Variants in GNB1L observed in about 807,000 individuals in gnomAD.
GNB1L encodes the protein G protein subunit beta 1 like.
Under a neutral mutation model 29.1 loss-of-function variants are expected in GNB1L, and 20 were observed. The ratio of observed to expected loss-of-function variants is 0.69; its 90% CI spans 0.48 to 1.00. The LOEUF (loss-of-function observed/expected upper bound fraction) is 1.00. Among genes scored for constraint, GNB1L ranks in the 50% least tolerant of loss-of-function variants. The probability of loss-of-function intolerance (pLI) is 0.00; values close to 1 mark genes in which losing one functional copy is unlikely to be tolerated. For synonymous variants in GNB1L, 193 were observed against 206.5 expected (o/e 0.93, Z 0.56); for missense variants, 421 against 464.9 (o/e 0.91, Z 0.87).
chr22:19,853,522 A>C (rs1938160067), intron 2 of GNB1L, among the ~76,000 whole-genome samples: 1 of 151,920 alleles, frequency 6.6e-6, no homozygotes. Context: ...CCCACACACA[A>C]ACGCCACCGG....
At chr22:19,839,655 G>T (rs1465045401) in intron 2 of GNB1L, among the ~76,000 whole-genome samples, 2 of 152,050 alleles carry the variant, frequency 1.3e-5, no homozygotes, top group African/African-American at 2.4e-5. Context: ...GAGGCAAGCG[G>T]ATCACCTGAG....
At chr22:19,846,645 A>C in intron 2 of GNB1L, 1 of 799,190 alleles carries the variant, frequency 1.3e-6, no homozygotes, top group Non-Finnish European at 1.5e-6. Context: ...ATTTGAAGAC[A>C]GGGTCTTTAA....
intron 2 of GNB1L, among the ~76,000 whole-genome samples, chr22:19,837,960 G>T (rs1601347467): frequency 6.6e-6 from 1 of 152,354 alleles, no homozygotes; most frequent in Non-Finnish European, 1.5e-5. Context: ...CTGGAGAAGA[G>T]AGGTGCAGGG....
At chr22:19,819,215 C>T (rs1243222462) in intron 4 of GNB1L, among the ~76,000 whole-genome samples, 1 of 152,238 alleles carries the variant, frequency 6.6e-6, no homozygotes, top group Non-Finnish European at 1.5e-5. Flanking sequence ...ACTGCCAGGC[C>T]CTCTTATTCC....
intron 2 of GNB1L, among the ~76,000 whole-genome samples, chr22:19,838,892 C>G (rs1264853005): frequency 6.6e-6 from 1 of 152,190 alleles, no homozygotes; most frequent in African/African-American, 2.4e-5. Context: ...TTATAACTAA[C>G]CACCCAAAAC....
intron 2 of GNB1L, chr22:19,850,018 A>T (rs991146329): frequency 1.0e-6 from 1 of 985,252 alleles, no homozygotes. Context: ...CCTGGTCCTC[A>T]CTTCACCTAC....
chr22:19,815,430 T>C (rs1445289567), intron 4 of GNB1L, among the ~76,000 whole-genome samples: 1 of 152,068 alleles, frequency 6.6e-6, no homozygotes, highest in Non-Finnish European at 1.5e-5. Flanking sequence ...AGGCTCAACA[T>C]GACACTGCAG....
At chr22:19,789,097 C>A (rs1307681765) in intron 7 of GNB1L, 137 bp from the exon 8 acceptor site, 1 of 911,134 alleles carries the variant, frequency 1.1e-6, no homozygotes, top group Non-Finnish European at 1.7e-6. Context: ...CGCTCCTACC[C>A]AGCTGACCTC....
chr22:19,788,946 A>G lies in GNB1L; in HGVS notation c.747T>C (p.His249=). The change falls in exon 8 of 8, where the codon CAT becomes CAC. Residue 249 remains histidine (H), a synonymous_variant. Coordinates refer to ENST00000329517, the MANE Select transcript of GNB1L (RefSeq NM_053004.3). ...WQQALQVRGT[H]ELTNPGIAEV... is the part of the protein sequence containing the mutation. ...CGGCGATCCCGGGATTGGTGAGTTCATGAGTCCCACGCACCTGTGAGAGTT... is the reference window on the plus strand; with the variant it reads ...CGGCGATCCCGGGATTGGTGAGTTCGTGAGTCCCACGCACCTGTGAGAGTT... 1.2e-6 allele frequency: 2 copies of G among 1,606,976 alleles called. No homozygotes were observed. Among genetic ancestry groups the G allele is most frequent in the Non-Finnish European group, 1.7e-6 (2 of 1,175,626 alleles).
chr22:19,834,473 C>A (rs1035135782), intron 2 of GNB1L, among the ~76,000 whole-genome samples: 3 of 152,100 alleles, frequency 2.0e-5, no homozygotes, highest in South Asian at 2.1e-4. Context: ...TGGTAAAATG[C>A]GGTTTTATCA....
chr22:19,805,077 C>G (rs1249898798), intron 6 of GNB1L, among the ~76,000 whole-genome samples: 3 of 152,204 alleles, frequency 2.0e-5, no homozygotes, highest in African/African-American at 7.2e-5. Context: ...CCCTGTGGCC[C>G]GGCTGTGAGC....
At chr22:19,812,138 C>T (rs1937507207) in intron 5 of GNB1L, 147 bp downstream of exon 5, 1 of 783,118 alleles carries the variant, frequency 1.3e-6, no homozygotes, top group Non-Finnish European at 2.0e-6. Flanking sequence ...GCCTAGCCGG[C>T]TGTGCATCAG....
intron 2 of GNB1L, among the ~76,000 whole-genome samples, chr22:19,825,569 C>G (rs1937613845): frequency 6.6e-6 from 1 of 151,900 alleles, no homozygotes; most frequent in African/African-American, 2.4e-5. Context: ...CTGCAGTGAG[C>G]CATGATCGCG....
At chr22:19,846,989 G>A (rs536157589) in intron 2 of GNB1L, 63 of 985,422 alleles carry the variant, frequency 6.4e-5, no homozygotes, top group African/African-American at 2.1e-4. Flanking sequence ...CCAGCCCCAC[G>A]CTGGGTGGCT....
chr22:19,823,609 T>A (rs1168483184), intron 2 of GNB1L, among the ~76,000 whole-genome samples: 3 of 152,188 alleles, frequency 2.0e-5, no homozygotes, highest in Non-Finnish European at 4.4e-5. Flanking sequence ...GTCCCTCCCA[T>A]GACTCCAGTC....
Position 19,812,381 on chromosome 22 carries a change from G to A in GNB1L, c.321C>T (p.Ser107=), listed in dbSNP as rs763478649. ...AGAAGCCCACACTCTCCAAGCACAC[G>A]GAGTCCACGACAGCGCTCCTGCCCT... ...LAEGRSAVVD[S]VCLESVGFCR... Residue 107 remains serine (S), a synonymous_variant, in exon 5 of 8, where the codon TCC becomes TCT. Coordinates refer to ENST00000329517, the MANE Select transcript of GNB1L (RefSeq NM_053004.3). 23 of 1,613,288 alleles carry A rather than the reference G, an allele frequency of 1.4e-5. No individual in the cohort carries two copies. The highest frequency in any genetic ancestry group is 2.2e-5 in the South Asian group (2 of 91,086).
chr22:19,821,170 G>C, intron 3 of GNB1L, 58 bp downstream of exon 3: 1 of 1,534,764 alleles, frequency 6.5e-7, no homozygotes, highest in Non-Finnish European at 8.9e-7. Flanking sequence ...CTCCTTGCTA[G>C]CTCACGACCT....
chr22:19,812,838 G>T (rs1937511679), intron 4 of GNB1L, among the ~76,000 whole-genome samples: 1 of 152,364 alleles, frequency 6.6e-6, no homozygotes, highest in South Asian at 2.1e-4. Flanking sequence ...GGGGAGAACA[G>T]AGGGGAGCCA....
rs1937211585 is a variant in GNB1L, at chr22:19,788,402, T to G, written c.*307A>C. On this transcript the variant is annotated 3_prime_UTR_variant, in exon 8 of 8. Coordinates refer to ENST00000329517, the MANE Select transcript of GNB1L (RefSeq NM_053004.3). ...AGGGCCTCCTCAGGGAGCTCCCACC[T>G]CAAGCCTGCAACTTGGCAATGGAAA... 1 of 590,848 alleles carries G rather than the reference T, an allele frequency of 1.7e-6. No individual in the cohort carries two copies. The highest frequency in any genetic ancestry group is 2.0e-5 in the South Asian group (1 of 48,870). The allele number at this position is 590,848 out of a possible 1,614,324, so 36.6% of individuals were successfully genotyped here.
Sources: allele counts gnomAD v4.1 joint callset (sites outside exome capture counted in the v4.1 genomes callset), GRCh38; gene constraint gnomAD v4.1.1; transcripts MANE v1.5; gene names NCBI Gene and HGNC (gene_info 2026-07-23, HGNC 2026-07-21).